The following OSBPL9 variants were observed in gnomAD, a reference collection of about 807,000 sequenced individuals.
OSBPL9 encodes the protein oxysterol-binding protein-related protein 9.
Under a neutral mutation model 106.6 loss-of-function variants are expected in OSBPL9, and 40 were observed. The ratio of observed to expected loss-of-function variants is 0.38; its 90% CI spans 0.29 to 0.49. The LOEUF is 0.49. Among genes scored for constraint, OSBPL9 ranks in the 20% least tolerant of loss-of-function variants. The pLI, the probability that OSBPL9 is intolerant of heterozygous loss-of-function variation, is 0.97. For synonymous variants in OSBPL9, 269 were observed against 295.4 expected, an observed-to-expected ratio of 0.91 and a Z score of 0.92; for missense variants, 609 against 887.2, an observed-to-expected ratio of 0.69 and a Z score of 3.98.
chr1:51,768,505 C>A (rs1673133691), intron 12 of OSBPL9, among the ~76,000 whole-genome samples: 1 of 152,254 alleles, frequency 6.6e-6, no homozygotes, highest in Non-Finnish European at 1.5e-5. Context: ...TGAGCCACTG[C>A]ACCTGGCCTA....
chr1:51,623,865 T>C (rs1444541597), intron 1 of OSBPL9, among the ~76,000 whole-genome samples: 3 of 152,208 alleles, frequency 2.0e-5, no homozygotes, highest in Non-Finnish European at 2.9e-5. Context: ...ATTTATTCTT[T>C]TCTAAGTAAA....
intron 15 of OSBPL9, among the ~76,000 whole-genome samples, chr1:51,777,334 C>T (rs556175011): frequency 6.6e-6 from 1 of 152,186 alleles, no homozygotes; most frequent in Admixed American, 6.5e-5. Flanking sequence ...TCATGTCTGC[C>T]CTTGAGCTTA....
At chr1:51,530,184 A>AAAAAAAAAAAAAG in the OSBPL9 span, among the ~76,000 whole-genome samples, 1 of 103,410 alleles carries the variant, frequency 9.7e-6, no homozygotes, top group Non-Finnish European at 2.0e-5. Flanking sequence ...AAAAAAAAAA[A>AAAAAAAAAAAAAG]AAAAAAAACA....
At chr1:51,704,338 G>T (rs1013669478) in intron 3 of OSBPL9, among the ~76,000 whole-genome samples, 1 of 152,220 alleles carries the variant, frequency 6.6e-6, no homozygotes, top group East Asian at 1.9e-4. Context: ...GGTCTATTCA[G>T]AGATTCAACT....
intron 1 of OSBPL9, among the ~76,000 whole-genome samples, chr1:51,645,299 A>G (rs898080440): frequency 6.6e-6 from 1 of 152,230 alleles, no homozygotes; most frequent in African/African-American, 2.4e-5. Context: ...TTTCTTAGGC[A>G]AAATATCTAC....
intron 4 of OSBPL9, among the ~76,000 whole-genome samples, chr1:51,738,324 T>C (rs1271934760): frequency 6.6e-6 from 1 of 152,090 alleles, no homozygotes; most frequent in Non-Finnish European, 1.5e-5. Context: ...CCGATTCCTG[T>C]ACCAGATTTT....
At chr1:51,627,911 C>T (rs192335796) in intron 1 of OSBPL9, among the ~76,000 whole-genome samples, 7 of 152,222 alleles carry the variant, frequency 4.6e-5, no homozygotes, top group African/African-American at 4.8e-5. Flanking sequence ...GTGCTTTTTT[C>T]GCTCTTAATC....
the OSBPL9 span, chr1:51,518,544 G>A: frequency 9.0e-4 from 138 of 152,978 alleles, 1 homozygote; most frequent in African/African-American, 3.2e-3. Context: ...CAGGAGGGGG[G>A]AGAGGCTGAA....
intron 2 of OSBPL9, among the ~76,000 whole-genome samples, chr1:51,611,263 A>G (rs1436116421): frequency 6.7e-6 from 1 of 150,076 alleles, no homozygotes; most frequent in Non-Finnish European, 1.5e-5. Context: ...AAAAAACAGG[A>G]CTGTGAACAA....
chr1:51,720,862 A>G (rs1343882008), intron 4 of OSBPL9, among the ~76,000 whole-genome samples: 1 of 147,316 alleles, frequency 6.8e-6, no homozygotes, highest in African/African-American at 2.5e-5. Flanking sequence ...CAGTGGTGCA[A>G]TCTCAGCTCA....
At chr1:51,635,165 G>A (rs1283407566) in intron 1 of OSBPL9, among the ~76,000 whole-genome samples, 1 of 152,298 alleles carries the variant, frequency 6.6e-6, no homozygotes, top group East Asian at 1.9e-4. Flanking sequence ...ACTTCGAAAA[G>A]TGTGTCAAGA....
intron 1 of OSBPL9, among the ~76,000 whole-genome samples, chr1:51,639,816 G>GTT (rs758174157): frequency 0.049 from 3,267 of 67,056 alleles, 859 homozygotes; most frequent in African/African-American, 0.15. Flanking sequence ...ATTCCTAGTT[G>GTT]TTTTTTTTTT....
At position 51,729,049 on chromosome 1, in the gene OSBPL9, TTC is replaced by T. The variant is rs930074103; in HGVS notation, c.318+14974_318+14975del. Among the ~76,000 whole-genome samples the T allele has an allele frequency of 7.0e-4, 106 of 152,290 alleles. No individual in the cohort carries two copies. The highest frequency in any genetic ancestry group is 2.5e-3 in the African/African-American group (103 of 41,568). On this transcript the variant is annotated intron_variant, in intron 4 of 23. Transcript: ENST00000428468. The surrounding 1 kb of genome is among the most constrained non-coding windows in gnomAD (Gnocchi z 5.1). ...TTGTGATTCCCTGCATTTTGGGTGA[TTC>T]TCTGTCGAGGTCCTCTTAAGTCCAG...
the OSBPL9 span, among the ~76,000 whole-genome samples, chr1:51,537,024 A>G: frequency 1.1e-4 from 16 of 152,344 alleles, 1 homozygote; most frequent in East Asian, 1.7e-3. Context: ...AATGGTTTCA[A>G]CACTCATTGA....
At chr1:51,591,439 G>A (rs1645274974) in intron 1 of OSBPL9, among the ~76,000 whole-genome samples, 1 of 152,168 alleles carries the variant, frequency 6.6e-6, no homozygotes, top group Admixed American at 6.6e-5. Flanking sequence ...GAGAACACCG[G>A]GGGAAATAGA....
intron 3 of OSBPL9, among the ~76,000 whole-genome samples, chr1:51,684,812 G>C (rs1190497231): frequency 6.6e-6 from 1 of 152,182 alleles, no homozygotes; most frequent in Non-Finnish European, 1.5e-5. Context: ...GGGATTATAG[G>C]CGTGAGCCAC....
At chr1:51,738,176 A>T (rs939327261) in intron 4 of OSBPL9, among the ~76,000 whole-genome samples, 1 of 152,072 alleles carries the variant, frequency 6.6e-6, no homozygotes, top group Non-Finnish European at 1.5e-5. Flanking sequence ...TTGTATAAGT[A>T]ACCAAATCAC....
chr1:51,727,579 C>T (rs1309917866), intron 4 of OSBPL9, among the ~76,000 whole-genome samples: 1 of 152,090 alleles, frequency 6.6e-6, no homozygotes, highest in Non-Finnish European at 1.5e-5. Context: ...GAGGGAAGTT[C>T]CCAGGTGATG....
At chr1:51,785,701 T>A (rs1413296559) in intron 20 of OSBPL9, 107 bp from the exon 21 acceptor site, 8 of 906,970 alleles carry the variant, frequency 8.8e-6, no homozygotes, top group Non-Finnish European at 1.4e-5. Context: ...ATCAAAAACT[T>A]CACAGTTGCT....
Sources: allele counts gnomAD v4.1 joint callset (sites outside exome capture counted in the v4.1 genomes callset), GRCh38; gene constraint gnomAD v4.1.1; non-coding constraint Gnocchi (gnomAD v3.1); transcripts MANE v1.5; gene names NCBI Gene and HGNC (gene_info 2026-07-23, HGNC 2026-07-21).